TSHZ2: variants seen among roughly 807,000 people sequenced by gnomAD.
The protein encoded by TSHZ2 is teashirt homolog 2.
A neutral mutation model predicts 74.4 loss-of-function variants in TSHZ2; 21 were observed. The ratio of observed to expected loss-of-function variants is 0.28; its 90% CI spans 0.20 to 0.41. The LOEUF (loss-of-function observed/expected upper bound fraction) is 0.41, where lower values mean the gene tolerates loss of function less well. TSHZ2 is among the 10% of genes least tolerant of loss of function. The probability of loss-of-function intolerance (pLI) is 1.00; values close to 1 mark genes in which losing one functional copy is unlikely to be tolerated. For missense variants in TSHZ2, 1,244 were observed against 1,293.5 expected (o/e 0.96, Z 0.59); for synonymous variants, 540 against 515.3 (o/e 1.05, Z -0.65).
At chr20:53,081,736 A>C (rs772542146) in intron 1 of TSHZ2, among the ~76,000 whole-genome samples, 7 of 152,038 alleles carry the variant, frequency 4.6e-5, no homozygotes, top group Non-Finnish European at 1.0e-4. Flanking sequence ...CTGCTTTTTT[A>C]TTATATGTTA....
In TSHZ2 at chr20:53,255,032, C is replaced by T; in HGVS notation, c.1574C>T (p.Thr525Ile). 1 of 1,614,162 alleles carries T rather than the reference C, an allele frequency of 6.2e-7. No homozygotes were observed. The highest frequency in any genetic ancestry group is 8.5e-7 in the Non-Finnish European group (1 of 1,180,030). Reference protein sequence around the residue: ...DILKSLENTVTTAINKAQNGA... With the variant: ...DILKSLENTVITAINKAQNGA... ...TTGAAATCTTTGGAAAATACTGTCA[C>T]CACAGCCATCAACAAAGCCCAAAAC... The change falls in exon 2 of 3, where the codon ACC becomes ATC. Residue 525 changes from threonine (T) to isoleucine (I), a missense_variant. Thr to Ile is a moderately conservative substitution (Grantham distance 89). Around this residue, in one of 6 missense-constraint regions of TSHZ2, gnomAD observed 562 missense variants for 544.0 expected, o/e 1.03. Transcript: ENST00000371497. This position sits in a 1 kb window ranked among gnomAD's most constrained non-coding sequence, Gnocchi z 4.1.
At chr20:53,100,997 G>T (rs759347133) in intron 1 of TSHZ2, among the ~76,000 whole-genome samples, 1 of 152,124 alleles carries the variant, frequency 6.6e-6, no homozygotes, top group Non-Finnish European at 1.5e-5. Context: ...GCAGGGGTAG[G>T]GGTGGGAGAA....
At chr20:53,473,850 C>T (rs1035128764) in intron 2 of TSHZ2, among the ~76,000 whole-genome samples, 2 of 151,996 alleles carry the variant, frequency 1.3e-5, no homozygotes, top group Non-Finnish European at 2.9e-5. Flanking sequence ...TGGAGAACTA[C>T]GTGAAGAAGG....
chr20:53,027,362 C>G (rs1983482948), intron 1 of TSHZ2, among the ~76,000 whole-genome samples: 1 of 152,102 alleles, frequency 6.6e-6, no homozygotes, highest in Non-Finnish European at 1.5e-5. Context: ...TCCAATAATA[C>G]AGTTCTACTA....
intron 1 of TSHZ2, among the ~76,000 whole-genome samples, chr20:52,998,176 C>CT: frequency 6.6e-6 from 1 of 151,600 alleles, no homozygotes; most frequent in Non-Finnish European, 1.5e-5. Context: ...GTGCCTTCTT[C>CT]TTTTTTTGGG....
At chr20:53,099,679 G>A (rs916188575) in intron 1 of TSHZ2, among the ~76,000 whole-genome samples, 4 of 152,150 alleles carry the variant, frequency 2.6e-5, no homozygotes, top group Admixed American at 6.5e-5. Context: ...CATGGCAGCC[G>A]GCAAGAAAGA....
At chr20:53,164,381 T>G (rs1988017704) in intron 1 of TSHZ2, among the ~76,000 whole-genome samples, 1 of 151,926 alleles carries the variant, frequency 6.6e-6, no homozygotes, top group African/African-American at 2.4e-5. Context: ...TTTCATAGTT[T>G]ACAACTATTA....
intron 2 of TSHZ2, among the ~76,000 whole-genome samples, chr20:53,357,455 A>T (rs1474431571): frequency 6.6e-6 from 1 of 152,158 alleles, no homozygotes; most frequent in Non-Finnish European, 1.5e-5. Context: ...ACTTGAGCCC[A>T]GGAGTTCAAG....
chr20:53,354,806 A>G (rs779241060), intron 2 of TSHZ2, among the ~76,000 whole-genome samples: 2 of 152,226 alleles, frequency 1.3e-5, no homozygotes, highest in Non-Finnish European at 2.9e-5. Context: ...TTTATGATAT[A>G]CAATTAATTG....
chr20:53,461,581 A>T (rs990413308), intron 2 of TSHZ2: 2 of 152,236 alleles, frequency 1.3e-5, no homozygotes, highest in African/African-American at 4.8e-5. Flanking sequence ...GTCACAGTTG[A>T]ATATGTTTTT....
At chr20:53,228,875 GA>G (rs1989751913) in intron 1 of TSHZ2, among the ~76,000 whole-genome samples, 1 of 152,170 alleles carries the variant, frequency 6.6e-6, no homozygotes, top group Non-Finnish European at 1.5e-5. Flanking sequence ...ATCCGTGCCC[GA>G]AAGACACAGC....
intron 2 of TSHZ2, among the ~76,000 whole-genome samples, chr20:53,325,845 G>T (rs1008458888): frequency 6.6e-5 from 10 of 152,044 alleles, no homozygotes; most frequent in Non-Finnish European, 1.5e-4. Context: ...GCAGTGGCAC[G>T]ATCTCGGCTC....
chr20:53,426,057 A>C (rs930989882), intron 2 of TSHZ2, among the ~76,000 whole-genome samples: 37 of 152,308 alleles, frequency 2.4e-4, no homozygotes, highest in African/African-American at 8.2e-4. Context: ...GAACTTCTGG[A>C]ATGTTCTGTT....
chr20:53,064,689 AACACAC>A (rs111943855), intron 1 of TSHZ2, among the ~76,000 whole-genome samples: 1 of 150,740 alleles, frequency 6.6e-6, no homozygotes, highest in Admixed American at 6.6e-5. Context: ...TAGACAGAGA[AACACAC>A]ACACACACAC....
At chr20:53,238,836 TAAAAAAAAAA>T (rs746136673) in intron 1 of TSHZ2, among the ~76,000 whole-genome samples, 2 of 65,996 alleles carry the variant, frequency 3.0e-5, no homozygotes, top group East Asian at 5.7e-4. Context: ...ATCTTATATC[TAAAAAAAAAA>T]AAAAAAAAAA....
rs190329956 is a variant in TSHZ2 at position 53,042,348 on chromosome 20, C to T, written c.40+69015C>T. Among the ~76,000 whole-genome samples the T allele has an allele frequency of 1.6e-4, 25 of 152,222 alleles. No individual in the cohort carries two copies. The East Asian group carries it at 4.8e-3, about 29-fold the overall frequency. ...TTGTTAGATTGTATACACATTTTGG[C>T]GTTACTTTTTCTGAACCTCCTACTC... is the stretch of plus-strand genomic sequence containing the variant. On this transcript the variant is annotated intron_variant, in intron 1 of 2. Transcript: ENST00000371497.
intron 1 of TSHZ2, among the ~76,000 whole-genome samples, chr20:53,217,446 G>A (rs1003312997): frequency 6.6e-6 from 1 of 152,114 alleles, no homozygotes; most frequent in Non-Finnish European, 1.5e-5. Context: ...ATAACAGATG[G>A]AAGAACAACA....
chr20:53,015,027 G>A (rs1982984956), intron 1 of TSHZ2, among the ~76,000 whole-genome samples: 1 of 151,978 alleles, frequency 6.6e-6, no homozygotes, highest in Admixed American at 6.6e-5. Context: ...TTCCCTTGTT[G>A]CCCCACACTG....
rs6022415 is a variant in TSHZ2, at chr20:53,357,250, G to A, written c.*8+100679G>A. On this transcript the variant is annotated intron_variant, in intron 2 of 2. Coordinates refer to ENST00000371497, the MANE Select transcript of TSHZ2 (RefSeq NM_173485.6). ...TAATTCCACAATAAATTCATGTCACGTGTTAATTTTGACATTATAATTAAT... is the reference window on the plus strand; with the variant it reads ...TAATTCCACAATAAATTCATGTCACATGTTAATTTTGACATTATAATTAAT... Among the ~76,000 whole-genome samples the A allele has an allele frequency of 7.6e-3, 1,150 of 152,212 alleles. 12 individuals carry two copies. The highest frequency in any genetic ancestry group is 0.026 in the African/African-American group (1,074 of 41,532).
Sources: gnomAD v4.1 joint callset for allele counts (sites outside exome capture counted in the v4.1 genomes callset) on GRCh38, gnomAD v4.1.1 for gene constraint, gnomAD v4.1.1 regional missense constraint, Gnocchi (gnomAD v3.1) non-coding constraint, MANE v1.5 for transcripts, NCBI Gene and HGNC (gene_info 2026-07-23, HGNC 2026-07-21) for gene names.